KPNA1: variants seen among roughly 807,000 people sequenced by gnomAD.
The protein encoded by KPNA1 is importin subunit alpha-5.
In KPNA1, 10 loss-of-function variants were observed where a neutral mutation model predicts 70.5. That is an observed-to-expected ratio of 0.14 (90% CI 0.09 to 0.24). KPNA1 has a LOEUF of 0.24. Ranked by LOEUF, KPNA1 falls within the 10% of genes least tolerant of loss-of-function variation. KPNA1 has a pLI of 1.00. For synonymous variants in KPNA1, 192 were observed against 221.9 expected (o/e 0.87, Z 1.20); for missense variants, 397 against 637.9 (o/e 0.62, Z 4.07).
chr3:122,431,449 A>G (rs7638180), intron 12 of KPNA1, among the ~76,000 whole-genome samples: 57,153 of 152,038 alleles, frequency 0.38, 11,176 homozygotes, highest in East Asian at 0.54. Flanking sequence ...GAGCCACCAC[A>G]CCCGGCCAAG....
intron 2 of KPNA1, among the ~76,000 whole-genome samples, chr3:122,487,032 G>A (rs1239268209): frequency 6.6e-6 from 1 of 152,158 alleles, no homozygotes; most frequent in African/African-American, 2.4e-5. Context: ...TGACCTTCCA[G>A]CGAATAAAAG....
chr3:122,461,026 A>G (rs746910901), intron 5 of KPNA1, among the ~76,000 whole-genome samples, 198 bp downstream of exon 5: 50 of 152,278 alleles, frequency 3.3e-4, no homozygotes, highest in Non-Finnish European at 6.2e-4. Flanking sequence ...ATTAAAAATT[A>G]TAATAATAAT....
chr3:122,507,166 C>T (rs995674070), intron 1 of KPNA1, among the ~76,000 whole-genome samples: 2 of 152,116 alleles, frequency 1.3e-5, no homozygotes, highest in Admixed American at 1.3e-4. Context: ...TATAGCTGGG[C>T]GCAGTAGTTC....
chr3:122,484,936 C>T (rs1252150637), intron 2 of KPNA1, among the ~76,000 whole-genome samples: 2 of 152,158 alleles, frequency 1.3e-5, no homozygotes, highest in Admixed American at 1.3e-4. Context: ...CTCGCTTTGA[C>T]GCCCAGGCTG....
chr3:122,476,203 T>TC (rs2107757323), intron 2 of KPNA1, among the ~76,000 whole-genome samples: 1 of 152,304 alleles, frequency 6.6e-6, no homozygotes, highest in Non-Finnish European at 1.5e-5. Context: ...AACAGTCTCT[T>TC]CAATAAATGG....
At chr3:122,487,045 G>A (rs1275415893) in intron 2 of KPNA1, among the ~76,000 whole-genome samples, 2 of 152,186 alleles carry the variant, frequency 1.3e-5, no homozygotes, top group Non-Finnish European at 2.9e-5. Flanking sequence ...AATAAAAGCA[G>A]AAGGAATGAT....
intron 1 of KPNA1, among the ~76,000 whole-genome samples, chr3:122,513,511 T>C (rs938035319): frequency 5.3e-5 from 8 of 152,170 alleles, no homozygotes; most frequent in African/African-American, 1.7e-4. Context: ...AAAAGCTAGT[T>C]AAGACAAAAA....
chr3:122,445,988 T>A (rs910264825), intron 9 of KPNA1, among the ~76,000 whole-genome samples: 1 of 152,164 alleles, frequency 6.6e-6, no homozygotes, highest in African/African-American at 2.4e-5. Context: ...TAAATATATA[T>A]GCACCCAATA....
chr3:122,496,512 A>G lies in KPNA1; in HGVS notation c.54T>C (p.Ser18=). ...TCCTGCGCATCTCATCGGGATTCAGAGATTTGTTCTTGTAACTTTTCAGGC... is the reference window on the plus strand; with the variant it reads ...TCCTGCGCATCTCATCGGGATTCAGGGATTTGTTCTTGTAACTTTTCAGGC... ...NFRLKSYKNK[S]LNPDEMRRRR... The change falls in exon 2 of 14, where the codon TCT becomes TCC. Residue 18 remains serine, a synonymous_variant. Transcript: ENST00000344337. 6.8e-6 allele frequency: 11 copies of G among 1,613,848 alleles called. No individual in the cohort carries two copies. Among genetic ancestry groups the G allele is most frequent in the Non-Finnish European group, 9.3e-6 (11 of 1,179,844 alleles).
chr3:122,500,114 T>TTGTTG lies in KPNA1; in HGVS notation c.-5-3545_-5-3544insCAACA, dbSNP rs1559759673. Among the ~76,000 whole-genome samples the TTGTTG allele has an allele frequency of 2.0e-5, 3 of 151,856 alleles. 1 individual carries two copies. Among genetic ancestry groups the TTGTTG allele is most frequent in the East Asian group, 1.9e-4 (1 of 5,192 alleles). ...TTATTTACTGGGATACAACTGTTTTTTTGTTGTTGTTGTTGTTGTTGTTTT... is the reference window on the plus strand; with the variant it reads ...TTATTTACTGGGATACAACTGTTTTTTGTTGTTGTTGTTGTTGTTGTTGTTGTTTT... On this transcript the variant is annotated intron_variant, in intron 1 of 13. Transcript: ENST00000344337.
At chr3:122,439,945 C>G (rs1230511070) in intron 10 of KPNA1, among the ~76,000 whole-genome samples, 1 of 151,932 alleles carries the variant, frequency 6.6e-6, no homozygotes, top group African/African-American at 2.4e-5. Flanking sequence ...TGGAACTTGC[C>G]TTGTGGGGGA....
chr3:122,478,657 G>A (rs1483620975), intron 2 of KPNA1, among the ~76,000 whole-genome samples: 2 of 151,548 alleles, frequency 1.3e-5, no homozygotes, highest in Non-Finnish European at 2.9e-5. Flanking sequence ...GGACCCAGGA[G>A]GCGGAAGTTG....
chr3:122,427,207 A>G, intron 13 of KPNA1, 35 bp from the exon 14 acceptor site: 1 of 1,450,814 alleles, frequency 6.9e-7, no homozygotes, highest in Non-Finnish European at 9.6e-7. Context: ...CTTTATTGAA[A>G]ACTTCAATAA....
At chr3:122,478,641 GA>G (rs1305672125) in intron 2 of KPNA1, among the ~76,000 whole-genome samples, 2 of 151,438 alleles carry the variant, frequency 1.3e-5, no homozygotes, top group African/African-American at 4.9e-5. Flanking sequence ...AGAATTGCTT[GA>G]ACTGGGACCC....
At chr3:122,466,463 GTGTACACATATATATATA>G (rs994140011) in intron 3 of KPNA1, among the ~76,000 whole-genome samples, 32 of 151,728 alleles carry the variant, frequency 2.1e-4, no homozygotes, top group South Asian at 1.0e-3. Context: ...AACTGTGTGT[GTGTACACATATATATATA>G]TGTACACATA....
intron 1 of KPNA1, chr3:122,514,537 G>A (rs941059631): frequency 3.3e-5 from 5 of 152,384 alleles, no homozygotes; most frequent in East Asian, 1.9e-4. Context: ...ATCACACCAG[G>A]GCTCCCCACC....
At chr3:122,473,340 G>C (rs1195061822) in intron 2 of KPNA1, among the ~76,000 whole-genome samples, 1 of 152,168 alleles carries the variant, frequency 6.6e-6, no homozygotes, top group Admixed American at 6.5e-5. Context: ...TCCTACACAA[G>C]ATAGAAGCAG....
chr3:122,501,030 CT>C (rs112073834), intron 1 of KPNA1, among the ~76,000 whole-genome samples: 42,993 of 126,578 alleles, frequency 0.34, 6,322 homozygotes, highest in East Asian at 0.5. Context: ...CTTTTCTTTC[CT>C]TTTTTTTTTT....
At chr3:122,468,128 G>T (rs181890019) in intron 2 of KPNA1, among the ~76,000 whole-genome samples, 3 of 152,226 alleles carry the variant, frequency 2.0e-5, no homozygotes, top group African/African-American at 7.2e-5. Flanking sequence ...TAATGTTTCA[G>T]CCATTGGACA....
Sources: gnomAD v4.1 joint callset for allele counts (sites outside exome capture counted in the v4.1 genomes callset) on GRCh38, gnomAD v4.1.1 for gene constraint, MANE v1.5 for transcripts, NCBI Gene and HGNC (gene_info 2026-07-23, HGNC 2026-07-21) for gene names.